Variants in HS2ST1 observed in about 807,000 individuals in gnomAD.
HS2ST1 encodes 2-O-sulfotransferase.
In HS2ST1, 18 loss-of-function variants were observed where a neutral mutation model predicts 42.9. The observed-to-expected ratio is 0.42, with a 90% CI of 0.29 to 0.62. The LOEUF (loss-of-function observed/expected upper bound fraction) is 0.62, where lower values mean the gene tolerates loss of function less well. Ranked by LOEUF, HS2ST1 falls within the 20% of genes least tolerant of loss-of-function variation. The probability of loss-of-function intolerance (pLI) is 0.21; values close to 1 mark genes in which losing one functional copy is unlikely to be tolerated. For synonymous variants in HS2ST1, 146 were observed against 152.9 expected (o/e 0.95, Z 0.33); for missense variants, 334 against 433.8 (o/e 0.77, Z 2.04).
chr1:87,035,031 G>A (rs1650337708), intron 1 of HS2ST1, among the ~76,000 whole-genome samples: 1 of 152,134 alleles, frequency 6.6e-6, no homozygotes, highest in East Asian at 1.9e-4. Flanking sequence ...GTGAGAGAGA[G>A]ATTTTAAGAT....
Position 87,084,287 on chromosome 1 carries a change from A to G in HS2ST1, c.449+8A>G. 6 of 1,509,762 alleles carry G rather than the reference A, an allele frequency of 4.0e-6. No homozygotes were observed. The highest frequency in any genetic ancestry group is 5.5e-6 in the Non-Finnish European group (6 of 1,091,276). The allele number at this position is 1,509,762 out of a possible 1,614,324, so 93.5% of individuals were successfully genotyped here. The stretch of plus-strand genomic sequence containing the variant: ...TTACTTGGATTTTGCAAAGTAAGTT[A>G]CACTGAAATGACACGCTAAAGAATG... On this transcript the variant is annotated splice_region_variant and intron_variant, in intron 3 of 6. Coordinates refer to ENST00000370550, the MANE Select transcript of HS2ST1 (RefSeq NM_012262.4).
intron 1 of HS2ST1, among the ~76,000 whole-genome samples, chr1:87,041,539 A>G (rs1650526347): frequency 6.6e-6 from 1 of 152,166 alleles, no homozygotes; most frequent in African/African-American, 2.4e-5. Flanking sequence ...TGTACAGCAG[A>G]CCTCTGGAAC....
intron 2 of HS2ST1, among the ~76,000 whole-genome samples, chr1:87,082,253 G>C (rs1179215573): frequency 6.6e-6 from 1 of 152,182 alleles, no homozygotes; most frequent in East Asian, 1.9e-4. Context: ...TTCATCCTCA[G>C]GAGAGGGTTT....
At chr1:86,926,898 T>G (rs1042802716) in intron 1 of HS2ST1, among the ~76,000 whole-genome samples, 25 of 152,200 alleles carry the variant, frequency 1.6e-4, no homozygotes, top group Admixed American at 1.2e-3. Flanking sequence ...TATAGAAGTT[T>G]CAAGCGTATG....
intron 1 of HS2ST1, among the ~76,000 whole-genome samples, chr1:87,072,464 T>C (rs546569039): frequency 6.7e-6 from 1 of 149,376 alleles, no homozygotes; most frequent in African/African-American, 2.4e-5. Flanking sequence ...TTAAGTGCAT[T>C]TTTATACTGT....
At chr1:87,049,901 TA>T (rs1238020783) in intron 1 of HS2ST1, among the ~76,000 whole-genome samples, 2 of 152,112 alleles carry the variant, frequency 1.3e-5, no homozygotes, top group African/African-American at 4.8e-5. Context: ...TGTGAGCTTT[TA>T]ATTCATATGT....
intron 1 of HS2ST1, among the ~76,000 whole-genome samples, chr1:86,997,202 G>A (rs973996819): frequency 1.3e-5 from 2 of 152,152 alleles, no homozygotes; most frequent in African/African-American, 2.4e-5. Context: ...AATCGTGGGG[G>A]TTGGGGGTGA....
chr1:86,939,691 T>C (rs982952557), intron 1 of HS2ST1, among the ~76,000 whole-genome samples: 1 of 152,230 alleles, frequency 6.6e-6, no homozygotes, highest in African/African-American at 2.4e-5. Flanking sequence ...TAAGAGCCTC[T>C]AGAGACTCAT....
chr1:87,045,021 T>TTGCG lies in HS2ST1; in HGVS notation c.125-27912_125-27909dup, dbSNP rs1650612469. 2.0e-6 allele frequency: 3 copies of TTGCG among 1,467,954 alleles called. No homozygotes were observed. In the South Asian group the frequency reaches 3.4e-5, roughly 17 times the overall value. 90.9% of individuals were successfully genotyped at this position (1,467,954 alleles called of 1,614,324 possible). ...ATTCTCTTTCTCGTCTGATTTCCTC[T>TTGCG]TGCGGCTTCTCTCTTCTTCACTGAC... On this transcript the variant is annotated intron_variant, in intron 1 of 6. Coordinates refer to ENST00000370550, the MANE Select transcript of HS2ST1 (RefSeq NM_012262.4).
intron 1 of HS2ST1, among the ~76,000 whole-genome samples, chr1:86,943,439 G>A (rs568511854): frequency 7.2e-5 from 11 of 152,214 alleles, no homozygotes; most frequent in African/African-American, 1.4e-4. Flanking sequence ...TTTTTAGTCC[G>A]GGTGCAGTGC....
At chr1:87,034,383 A>G (rs1650319408) in intron 1 of HS2ST1, among the ~76,000 whole-genome samples, 1 of 152,234 alleles carries the variant, frequency 6.6e-6, no homozygotes, top group African/African-American at 2.4e-5. Flanking sequence ...AGTAACTATT[A>G]TAAGTGGTTT....
chr1:86,974,725 G>A (rs911934341), intron 1 of HS2ST1, among the ~76,000 whole-genome samples: 3 of 152,166 alleles, frequency 2.0e-5, no homozygotes, highest in African/African-American at 7.2e-5. Context: ...TTGGAGCATT[G>A]CTTGGTATGG....
At chr1:86,952,974 A>G (rs189726777) in intron 1 of HS2ST1, among the ~76,000 whole-genome samples, 2 of 152,260 alleles carry the variant, frequency 1.3e-5, no homozygotes, top group African/African-American at 4.8e-5. Context: ...TGAAAGTCCT[A>G]GATGCCATCT....
rs370854592 is a variant in HS2ST1 at position 87,059,181 on chromosome 1, G to GT, written c.125-13746dup. ...TTGGCACAGCCTAAAATTGCCATAC[G>GT]TTTTTTTGCAGCTGCTTCACATTAC... On this transcript the variant is annotated intron_variant, in intron 1 of 6. Transcript: ENST00000370550. Among the ~76,000 whole-genome samples, 615 of 152,238 alleles carry GT rather than the reference G, an allele frequency of 4.0e-3. 7 individuals are homozygous for GT. Among genetic ancestry groups the GT allele is most frequent in the African/African-American group, 0.014 (584 of 41,540 alleles).
At chr1:87,061,867 G>T (rs964271167) in intron 1 of HS2ST1, among the ~76,000 whole-genome samples, 2 of 150,450 alleles carry the variant, frequency 1.3e-5, no homozygotes, top group South Asian at 2.1e-4. Context: ...ATGTATGAGG[G>T]TTACAATTTG....
At position 87,097,824 on chromosome 1, in the gene HS2ST1, T is replaced by C. The variant is rs1460700357; in HGVS notation, c.589-14T>C. ...GATTTATGGCTTACCCGTGCTGCTT[T>C]GTCTTTGTTCTAGACCTTTGATGAA... On this transcript the variant is annotated splice_polypyrimidine_tract_variant and intron_variant, in intron 4 of 6. Transcript: ENST00000370550. The C allele has an allele frequency of 1.9e-6, 3 of 1,613,770 alleles. No homozygotes were observed. Among genetic ancestry groups the C allele is most frequent in the East Asian group, 2.2e-5 (1 of 44,876 alleles).
chr1:86,944,386 A>G (rs190438129), intron 1 of HS2ST1, among the ~76,000 whole-genome samples: 1 of 152,168 alleles, frequency 6.6e-6, no homozygotes, highest in Admixed American at 6.6e-5. Context: ...AGACAGTCTC[A>G]TACTGTTGCC....
chr1:87,080,063 C>A (rs1248711040), intron 2 of HS2ST1, among the ~76,000 whole-genome samples: 1 of 151,898 alleles, frequency 6.6e-6, no homozygotes, highest in Non-Finnish European at 1.5e-5. Flanking sequence ...AAAGAAAAAA[C>A]AAATAGATTC....
chr1:87,082,381 T>G (rs1240166585), intron 2 of HS2ST1, among the ~76,000 whole-genome samples: 1 of 152,234 alleles, frequency 6.6e-6, no homozygotes, highest in Non-Finnish European at 1.5e-5. Context: ...GCTTGTACTA[T>G]ATGATCTTCC....
Sources: allele counts gnomAD v4.1 joint callset (sites outside exome capture counted in the v4.1 genomes callset), GRCh38; gene constraint gnomAD v4.1.1; transcripts MANE v1.5; gene names NCBI Gene and HGNC (gene_info 2026-07-23, HGNC 2026-07-21).